The following GPC6 variants were observed in gnomAD, a reference collection of about 807,000 sequenced individuals.
GPC6 encodes the protein glypican-6.
A neutral mutation model predicts 55.2 loss-of-function variants in GPC6; 14 were observed. The observed-to-expected ratio is 0.25, with a 90% CI of 0.17 to 0.40. The LOEUF (loss-of-function observed/expected upper bound fraction) is 0.40, where lower values mean the gene tolerates loss of function less well. Among genes scored for constraint, GPC6 ranks in the 10% least tolerant of loss-of-function variants. The pLI, the probability that GPC6 is intolerant of heterozygous loss-of-function variation, is 1.00. For synonymous variants in GPC6, 278 were observed against 259.6 expected, an observed-to-expected ratio of 1.07 and a Z score of -0.68; for missense variants, 641 against 708.5, an observed-to-expected ratio of 0.90 and a Z score of 1.08.
intron 3 of GPC6, among the ~76,000 whole-genome samples, chr13:93,862,339 G>A (rs1888839633): frequency 6.6e-6 from 1 of 151,446 alleles, no homozygotes; most frequent in Non-Finnish European, 1.5e-5. Context: ...GCCTAAGAAT[G>A]GACTTTGCTC....
chr13:93,931,273 G>A (rs75062696), intron 3 of GPC6, among the ~76,000 whole-genome samples: 4,645 of 152,096 alleles, frequency 0.031, 95 homozygotes, highest in Non-Finnish European at 0.051. Context: ...CCAGAGGAAG[G>A]AGATTTTCAT....
intron 2 of GPC6, among the ~76,000 whole-genome samples, chr13:93,686,508 A>T (rs1882051344): frequency 6.6e-6 from 1 of 152,102 alleles, no homozygotes; most frequent in Admixed American, 6.6e-5. Flanking sequence ...CAACAGTCTC[A>T]TGGGACTAAA....
chr13:93,699,480 C>T (rs1882595532), intron 2 of GPC6, among the ~76,000 whole-genome samples: 1 of 152,032 alleles, frequency 6.6e-6, no homozygotes, highest in Admixed American at 6.6e-5. Context: ...GAGAGGTGGT[C>T]AGTCATACAC....
At chr13:93,617,323 C>A (rs561759230) in intron 2 of GPC6, among the ~76,000 whole-genome samples, 1 of 152,192 alleles carries the variant, frequency 6.6e-6, no homozygotes, top group African/African-American at 2.4e-5. Context: ...AGAATTAACT[C>A]TTTAAACTCT....
chr13:94,287,284 C>A (rs115841430), intron 5 of GPC6, among the ~76,000 whole-genome samples: 2,796 of 152,226 alleles, frequency 0.018, 87 homozygotes, highest in African/African-American at 0.063. Flanking sequence ...GTCCTTTAAA[C>A]CCAGTGACCG....
At chr13:94,168,822 A>AT (rs1317941473) in intron 4 of GPC6, among the ~76,000 whole-genome samples, 1 of 151,212 alleles carries the variant, frequency 6.6e-6, no homozygotes, top group Non-Finnish European at 1.5e-5. Flanking sequence ...TTTTATTCTG[A>AT]TTTTAAAAGA....
chr13:93,854,078 A>G (rs958388570), intron 3 of GPC6, among the ~76,000 whole-genome samples: 2 of 151,694 alleles, frequency 1.3e-5, no homozygotes, highest in Admixed American at 1.3e-4. Flanking sequence ...GAAATCATTC[A>G]TGAACACCCT....
intron 3 of GPC6, among the ~76,000 whole-genome samples, chr13:93,857,220 G>T (rs958707926): frequency 4.0e-5 from 6 of 151,518 alleles, no homozygotes; most frequent in African/African-American, 1.5e-4. Flanking sequence ...CTCCTAAGCA[G>T]CAGGAGAGAA....
chr13:93,951,380 A>G (rs887236822), intron 3 of GPC6, among the ~76,000 whole-genome samples: 1 of 152,086 alleles, frequency 6.6e-6, no homozygotes, highest in Admixed American at 6.6e-5. Flanking sequence ...GCCTAACTCA[A>G]TTTTGCCATC....
chr13:93,511,197 T>C (rs898947996), intron 1 of GPC6, among the ~76,000 whole-genome samples: 2 of 150,838 alleles, frequency 1.3e-5, no homozygotes, highest in Non-Finnish European at 3.0e-5. Context: ...TTTTAAAAAT[T>C]AAGTCCCTTT....
At chr13:93,559,504 A>G (rs943133907) in intron 2 of GPC6, among the ~76,000 whole-genome samples, 7 of 152,186 alleles carry the variant, frequency 4.6e-5, no homozygotes, top group Non-Finnish European at 1.0e-4. Context: ...AATTTAGTAC[A>G]CAATTGACTT....
chr13:93,751,792 C>T (rs1454794082), intron 2 of GPC6, among the ~76,000 whole-genome samples: 1 of 152,078 alleles, frequency 6.6e-6, no homozygotes, highest in Non-Finnish European at 1.5e-5. Context: ...TCTCAGAGAG[C>T]TCGGATTACA....
intron 3 of GPC6, among the ~76,000 whole-genome samples, chr13:93,879,456 A>C (rs1321452195): frequency 7.2e-5 from 11 of 152,076 alleles, no homozygotes; most frequent in Non-Finnish European, 7.4e-5. Flanking sequence ...AAAAACAAGC[A>C]ATGGGGAAAG....
At chr13:94,379,386 A>G (rs1482560972) in intron 6 of GPC6, among the ~76,000 whole-genome samples, 1 of 152,154 alleles carries the variant, frequency 6.6e-6, no homozygotes, top group East Asian at 1.9e-4. Flanking sequence ...ATCTCCTTCA[A>G]CTGCACAATG....
intron 2 of GPC6, among the ~76,000 whole-genome samples, chr13:93,720,559 A>G (rs961412148): frequency 2.0e-5 from 3 of 151,272 alleles, no homozygotes; most frequent in Non-Finnish European, 4.4e-5. Context: ...TCCTGTCTCT[A>G]TCTCCTTCAG....
intron 4 of GPC6, among the ~76,000 whole-genome samples, chr13:94,039,702 G>A (rs1315718555): frequency 2.0e-5 from 3 of 151,840 alleles, no homozygotes; most frequent in Non-Finnish European, 2.9e-5. Context: ...CAAACCATTG[G>A]AGGGTTTTCA....
At chr13:93,442,735 CTTTGA>C (rs151055263) in intron 1 of GPC6, among the ~76,000 whole-genome samples, 1,868 of 152,172 alleles carry the variant, frequency 0.012, 36 homozygotes, top group African/African-American at 0.043. Flanking sequence ...TTAAGACAAT[CTTTGA>C]TTTAACAAAA....
chr13:93,984,168 C>A (rs373807465), intron 3 of GPC6, among the ~76,000 whole-genome samples: 17 of 152,054 alleles, frequency 1.1e-4, no homozygotes, highest in African/African-American at 4.1e-4. Flanking sequence ...TCTTAGCTGT[C>A]CTGTTTTGAT....
chr13:93,976,773 CAGG>C (rs1161253019), intron 3 of GPC6, among the ~76,000 whole-genome samples: 1 of 151,812 alleles, frequency 6.6e-6, no homozygotes. Context: ...GCACTTCTGA[CAGG>C]AGAAGGACAG....
Sources: gnomAD v4.1 joint callset for allele counts (sites outside exome capture counted in the v4.1 genomes callset) on GRCh38, gnomAD v4.1.1 for gene constraint, MANE v1.5 for transcripts, NCBI Gene and HGNC (gene_info 2026-07-23, HGNC 2026-07-21) for gene names.